ZNF536: variants seen among roughly 807,000 people sequenced by gnomAD.
The protein encoded by ZNF536 is zinc finger protein 536.
A neutral mutation model predicts 84.5 loss-of-function variants in ZNF536; 13 were observed. That is an observed-to-expected ratio of 0.15 (90% confidence interval 0.10 to 0.24). The LOEUF (loss-of-function observed/expected upper bound fraction) is 0.24, where lower values mean the gene tolerates loss of function less well. Among genes scored for constraint, ZNF536 ranks in the 10% least tolerant of loss-of-function variants. The pLI is 1.00. For missense variants in ZNF536, 1,536 were observed against 1,747.5 expected (o/e 0.88, Z 2.16); for synonymous variants, 811 against 742.5 (o/e 1.09, Z -1.50).
chr19:30,304,843 G>A (rs185674083), intron 2 of ZNF536, among the ~76,000 whole-genome samples: 1 of 152,328 alleles, frequency 6.6e-6, no homozygotes, highest in East Asian at 1.9e-4. Context: ...GATGGACGGT[G>A]GACCAGCCCA....
In ZNF536 at chr19:30,542,380, T is replaced by C. The variant is rs577787761; in HGVS notation, c.2324-5563T>C. 3.3e-5 allele frequency among the ~76,000 whole-genome samples: 5 copies of C among 152,310 alleles called. No individual in the cohort carries two copies. In the South Asian group the frequency reaches 1.0e-3, roughly 32 times the overall value. On this transcript the variant is annotated intron_variant, in intron 3 of 4. Transcript: ENST00000355537. The stretch of plus-strand genomic sequence containing the variant: ...GTCGTATATTTCTAGAAATTGATGA[T>C]ACAGTGACTTGGGAGAGGTTATCAA...
chr19:30,315,539 A>C (rs976698218), intron 2 of ZNF536, among the ~76,000 whole-genome samples: 1 of 152,140 alleles, frequency 6.6e-6, no homozygotes, highest in Admixed American at 6.5e-5. Context: ...CCAGTGAAGG[A>C]TCCTTGTCTT....
At chr19:30,332,838 T>G (rs962588550) in intron 2 of ZNF536, among the ~76,000 whole-genome samples, 5 of 152,206 alleles carry the variant, frequency 3.3e-5, no homozygotes, top group Non-Finnish European at 7.3e-5. Flanking sequence ...CCCAGCACTT[T>G]GGAAGGCCAA....
At chr19:30,342,736 T>C (rs984996871) in intron 2 of ZNF536, among the ~76,000 whole-genome samples, 1 of 152,194 alleles carries the variant, frequency 6.6e-6, no homozygotes, top group African/African-American at 2.4e-5. Context: ...CCAACAACAA[T>C]TATTGAGGAA....
chr19:30,708,907 G>T (rs2052352338), intron 1 of ZNF536, among the ~76,000 whole-genome samples: 1 of 152,216 alleles, frequency 6.6e-6, no homozygotes, highest in African/African-American at 2.4e-5. Flanking sequence ...GTTCTCTGGA[G>T]CCAGTGATGG....
In ZNF536 at chr19:30,659,953, GTGT is replaced by G. The variant is rs751292361; in HGVS notation, c.170-50803_170-50801del. Among the ~76,000 whole-genome samples the G allele has an allele frequency of 8.0e-3, 920 of 115,416 alleles. 9 individuals carry two copies. The highest frequency in any genetic ancestry group is 0.026 in the African/African-American group (839 of 31,742). 75.7% of individuals were successfully genotyped at this position (115,416 alleles called of 152,430 possible). On this transcript the variant is annotated intron_variant, in intron 1 of 1. Coordinates refer to the ZNF536 transcript ENST00000592773. ...TGCTCCTACCCTGTTTGACACAAGGGTGTGTGTGTGTGTGTGTGTGTGTGTGTG... is the reference window on the plus strand; with the variant it reads ...TGCTCCTACCCTGTTTGACACAAGGGGTGTGTGTGTGTGTGTGTGTGTGTG...
intron 2 of ZNF536, among the ~76,000 whole-genome samples, chr19:30,447,798 G>A (rs1449023501): frequency 6.6e-6 from 1 of 152,174 alleles, no homozygotes; most frequent in Non-Finnish European, 1.5e-5. Context: ...CAGCAAACTG[G>A]TTCCCCTAAG....
At chr19:30,259,160 G>A (rs2145221242) in intron 1 of ZNF536, among the ~76,000 whole-genome samples, 1 of 152,236 alleles carries the variant, frequency 6.6e-6, no homozygotes, top group East Asian at 1.9e-4. Flanking sequence ...GTGGGGAGAA[G>A]GTAGCGATTT....
intron 1 of ZNF536, among the ~76,000 whole-genome samples, chr19:30,622,606 T>C (rs2048523075): frequency 6.6e-6 from 1 of 152,266 alleles, no homozygotes; most frequent in Non-Finnish European, 1.5e-5. Context: ...TTATTTGGGA[T>C]GCTGTGCTTT....
chr19:30,706,485 CAAAA>C (rs751277069), intron 1 of ZNF536, among the ~76,000 whole-genome samples: 2 of 103,080 alleles, frequency 1.9e-5, no homozygotes, highest in Admixed American at 1.0e-4. Flanking sequence ...AACTCTGTCT[CAAAA>C]AAAAAAAAAA....
intron 3 of ZNF536, among the ~76,000 whole-genome samples, chr19:30,356,839 G>A (rs2048111459): frequency 6.6e-6 from 1 of 152,188 alleles, no homozygotes; most frequent in Admixed American, 6.5e-5. Context: ...TCCAGATGTG[G>A]GATCTGAGGC....
chr19:30,385,331 G>A lies in ZNF536; in HGVS notation c.-3+12775G>A, dbSNP rs76127463. ...CAGTGTGGGTTGTGGTGGCTGAAGC[G>A]GGACCAGGGGCCACCTGCCTGGGGC... On this transcript the variant is annotated intron_variant, in intron 1 of 4. Transcript: ENST00000355537. Among the ~76,000 whole-genome samples, 364 of 152,234 alleles carry A rather than the reference G, an allele frequency of 2.4e-3. 7 individuals carry two copies. In the East Asian group the frequency reaches 0.055, roughly 23 times the overall value.
At chr19:30,480,048 C>T (rs2054009640) in intron 2 of ZNF536, among the ~76,000 whole-genome samples, 1 of 152,222 alleles carries the variant, frequency 6.6e-6, no homozygotes, top group Non-Finnish European at 1.5e-5. Context: ...TGAAGTCAGT[C>T]TCAGGATCGA....
At chr19:30,514,528 C>G (rs751602494) in intron 2 of ZNF536, among the ~76,000 whole-genome samples, 5 of 151,916 alleles carry the variant, frequency 3.3e-5, no homozygotes, top group Non-Finnish European at 5.9e-5. Flanking sequence ...GAAGAGTGAC[C>G]AGTAGACGGG....
chr19:30,713,350 A>G (rs2052510801), exon 2 of ZNF536: 2 of 152,040 alleles, frequency 1.3e-5, no homozygotes, highest in South Asian at 2.1e-4. Flanking sequence ...CTACATTCCT[A>G]CGCAAAGAAA....
At chr19:30,318,417 G>A (rs1389562529) in intron 2 of ZNF536, among the ~76,000 whole-genome samples, 7 of 152,238 alleles carry the variant, frequency 4.6e-5, no homozygotes, top group South Asian at 2.1e-4. Flanking sequence ...ACCAAGGCTA[G>A]GGCGGGCAGA....
intron 1 of ZNF536, among the ~76,000 whole-genome samples, chr19:30,691,333 C>G (rs1433879642): frequency 6.6e-6 from 1 of 152,098 alleles, no homozygotes; most frequent in Non-Finnish European, 1.5e-5. Flanking sequence ...AGGGGACAAG[C>G]CCGTCCCCGC....
chr19:30,574,651 C>T (rs1425081750), intron 1 of ZNF536, among the ~76,000 whole-genome samples: 1 of 152,194 alleles, frequency 6.6e-6, no homozygotes, highest in Non-Finnish European at 1.5e-5. Flanking sequence ...TGCATGCTCA[C>T]TTAGCTTGAA....
intron 1 of ZNF536, among the ~76,000 whole-genome samples, chr19:30,601,657 A>G (rs993328116): frequency 5.9e-5 from 9 of 152,114 alleles, no homozygotes; most frequent in African/African-American, 2.2e-4. Flanking sequence ...TGAGAAACAC[A>G]AAGCAAGGTG....
Sources: gnomAD v4.1 joint callset for allele counts (sites outside exome capture counted in the v4.1 genomes callset) on GRCh38, gnomAD v4.1.1 for gene constraint, MANE v1.5 for transcripts, NCBI Gene and HGNC (gene_info 2026-07-23, HGNC 2026-07-21) for gene names.